Variants in VIT observed in about 807,000 individuals in gnomAD.
The protein encoded by VIT is vitrin.
A neutral mutation model predicts 78.0 loss-of-function variants in VIT; 99 were observed. That is an observed-to-expected ratio of 1.27 (90% CI 1.08 to 1.50). VIT has a LOEUF of 1.50. Ranked by LOEUF, VIT falls within the 40% of genes most tolerant of loss-of-function variation. The probability of loss-of-function intolerance (pLI) is 0.00; values close to 1 mark genes in which losing one functional copy is unlikely to be tolerated. For missense variants in VIT, 1,126 were observed against 875.3 expected, an observed-to-expected ratio of 1.29 and a Z score of -3.61; for synonymous variants, 374 against 334.3, an observed-to-expected ratio of 1.12 and a Z score of -1.29.
At chr2:36,698,941 C>T (rs978870760) in intron 1 of VIT, among the ~76,000 whole-genome samples, 2 of 149,724 alleles carry the variant, frequency 1.3e-5, no homozygotes, top group Non-Finnish European at 3.0e-5. Flanking sequence ...GAGACCTGGT[C>T]TCAAAAAAAA....
chr2:36,713,764 G>T (rs1665957261), intron 1 of VIT, among the ~76,000 whole-genome samples: 1 of 152,196 alleles, frequency 6.6e-6, no homozygotes, highest in South Asian at 2.1e-4. Flanking sequence ...AGAAAGAGAA[G>T]TCAAGGATAA....
At chr2:36,704,740 T>C (rs998052038) in intron 1 of VIT, among the ~76,000 whole-genome samples, 3 of 152,202 alleles carry the variant, frequency 2.0e-5, no homozygotes, top group African/African-American at 7.2e-5. Flanking sequence ...AAGAATGTGC[T>C]TCTGAGAGGG....
intron 12 of VIT, among the ~76,000 whole-genome samples, chr2:36,794,054 T>A (rs1665689809): frequency 6.6e-6 from 1 of 152,216 alleles, no homozygotes; most frequent in South Asian, 2.1e-4. Flanking sequence ...TGATGATCCA[T>A]CCAATTTCCC....
chr2:36,811,798 G>A (rs771827374), intron 15 of VIT, among the ~76,000 whole-genome samples: 18 of 151,634 alleles, frequency 1.2e-4, no homozygotes, highest in South Asian at 2.1e-4. Flanking sequence ...TCAGTCTCCC[G>A]AGTAGCTGGA....
chr2:36,746,814 AT>A (rs1282332850), intron 4 of VIT, among the ~76,000 whole-genome samples: 1 of 151,970 alleles, frequency 6.6e-6, no homozygotes, highest in Non-Finnish European at 1.5e-5. Flanking sequence ...TTCTGCTCTA[AT>A]TTTAGTGATT....
intron 6 of VIT, among the ~76,000 whole-genome samples, chr2:36,765,478 T>C (rs1298744485): frequency 6.7e-6 from 1 of 148,968 alleles, no homozygotes; most frequent in Non-Finnish European, 1.5e-5. Flanking sequence ...CATCAGAGCT[T>C]GTGAGAACTC....
At chr2:36,765,939 G>A (rs992671155) in intron 6 of VIT, among the ~76,000 whole-genome samples, 3 of 152,270 alleles carry the variant, frequency 2.0e-5, no homozygotes, top group African/African-American at 7.2e-5. Context: ...CACAGGGACA[G>A]AAGCTGGCAT....
At chr2:36,707,183 A>T (rs573809895) in intron 1 of VIT, among the ~76,000 whole-genome samples, 44 of 152,290 alleles carry the variant, frequency 2.9e-4, no homozygotes, top group Non-Finnish European at 2.4e-4. Context: ...AGTGAAAGGG[A>T]AATGTATTAT....
At chr2:36,719,132 T>C (rs1371090522) in intron 2 of VIT, among the ~76,000 whole-genome samples, 1 of 152,242 alleles carries the variant, frequency 6.6e-6, no homozygotes, top group Non-Finnish European at 1.5e-5. Context: ...CTTGCCCTTC[T>C]GGCTTGCTTA....
At chr2:36,702,945 G>A (rs1665157930) in intron 1 of VIT, among the ~76,000 whole-genome samples, 1 of 152,118 alleles carries the variant, frequency 6.6e-6, no homozygotes, top group Non-Finnish European at 1.5e-5. Context: ...TTCTGCCTAG[G>A]CTCCTCAGCC....
At chr2:36,782,972 T>C (rs1478089778) in intron 10 of VIT, among the ~76,000 whole-genome samples, 1 of 152,226 alleles carries the variant, frequency 6.6e-6, no homozygotes, top group African/African-American at 2.4e-5. Flanking sequence ...GGTGGAGGTT[T>C]ATTCGAGCAA....
At chr2:36,742,207 G>A (rs1667875149) in intron 3 of VIT, among the ~76,000 whole-genome samples, 1 of 152,120 alleles carries the variant, frequency 6.6e-6, no homozygotes, top group Non-Finnish European at 1.5e-5. Flanking sequence ...ATCTTTGCAG[G>A]GAAATTGCAG....
At chr2:36,736,611 A>G (rs1192945431) in intron 3 of VIT, among the ~76,000 whole-genome samples, 1 of 152,212 alleles carries the variant, frequency 6.6e-6, no homozygotes, top group Non-Finnish European at 1.5e-5. Context: ...TGATGATTCC[A>G]TGCAACGTGT....
At chr2:36,786,581 T>C (rs929017753) in intron 11 of VIT, among the ~76,000 whole-genome samples, 3 of 152,248 alleles carry the variant, frequency 2.0e-5, no homozygotes, top group Non-Finnish European at 2.9e-5. Context: ...TGACATCCTA[T>C]ACATATATGT....
At chr2:36,793,422 C>A (rs926949431) in intron 12 of VIT, among the ~76,000 whole-genome samples, 50 of 152,210 alleles carry the variant, frequency 3.3e-4, no homozygotes, top group African/African-American at 1.1e-3. Context: ...TGTGCAAAGT[C>A]CCTGAGCAGA....
At chr2:36,811,954 G>T (rs1209459493) in intron 15 of VIT, among the ~76,000 whole-genome samples, 8 of 152,126 alleles carry the variant, frequency 5.3e-5, no homozygotes, top group Non-Finnish European at 1.2e-4. Flanking sequence ...GGGATTACAG[G>T]TGTGAGCCAC....
intron 7 of VIT, among the ~76,000 whole-genome samples, chr2:36,773,230 A>G (rs913652044): frequency 2.6e-5 from 4 of 152,204 alleles, no homozygotes; most frequent in Non-Finnish European, 4.4e-5. Context: ...GAAATATGGC[A>G]TTTGACTAAA....
At chr2:36,754,687 G>A (rs1263692821) in intron 4 of VIT, among the ~76,000 whole-genome samples, 2 of 152,158 alleles carry the variant, frequency 1.3e-5, no homozygotes, top group African/African-American at 4.8e-5. Flanking sequence ...ATCCCTGACA[G>A]AACAATCAGC....
intron 13 of VIT, 112 bp from the exon 14 acceptor site, chr2:36,805,326 A>AC (rs1666632011): frequency 1.6e-6 from 2 of 1,217,196 alleles, no homozygotes; most frequent in African/African-American, 1.5e-5. Flanking sequence ...AAAAAAAAAA[A>AC]ACTAGGGAGG....
Sources: allele counts gnomAD v4.1 joint callset (sites outside exome capture counted in the v4.1 genomes callset), GRCh38; gene constraint gnomAD v4.1.1; transcripts MANE v1.5; gene names NCBI Gene and HGNC (gene_info 2026-07-23, HGNC 2026-07-21).